WDFY4: variants seen among roughly 807,000 people sequenced by gnomAD.
WDFY4 encodes the protein WD repeat- and FYVE domain-containing protein 4.
Under a neutral mutation model 351.9 loss-of-function variants are expected in WDFY4, and 169 were observed. That is an observed-to-expected ratio of 0.48 (90% CI 0.42 to 0.55). The LOEUF (loss-of-function observed/expected upper bound fraction) is 0.55, where lower values mean the gene tolerates loss of function less well. Among genes scored for constraint, WDFY4 ranks in the 20% least tolerant of loss-of-function variants. The pLI, the probability that WDFY4 is intolerant of heterozygous loss-of-function variation, is 0.00. For missense variants in WDFY4, 3,803 were observed against 3,935.6 expected (o/e 0.97, Z 0.90); for synonymous variants, 1,622 against 1,574.6 (o/e 1.03, Z -0.71).
intron 40 of WDFY4, 60 bp downstream of exon 40, chr10:48,867,402 A>C: frequency 8.5e-7 from 1 of 1,180,662 alleles, no homozygotes; most frequent in Non-Finnish European, 1.1e-6. Context: ...TTGAACCTGA[A>C]AAATAATTGG....
chr10:48,977,380 C>A (rs1227899867), intron 59 of WDFY4, among the ~76,000 whole-genome samples: 1 of 152,094 alleles, frequency 6.6e-6, no homozygotes, highest in Non-Finnish European at 1.5e-5. Context: ...TACTCATCTA[C>A]CCACCCATCC....
Position 48,946,877 on chromosome 10 carries a change from T to A in WDFY4, c.7885T>A (p.Cys2629Ser). ...EKTEGDMTVQ[C>S]HYYTHYSSAI... ...TGTTGCAGGAGACATGACTGTCCAG[T>A]GCCACTACTACACCCACTACTCCTC... The change falls in exon 51 of 62, where the codon TGC (cysteine) becomes AGC (serine). Residue 2629 changes from cysteine (C) to serine (S), a missense_variant. Cys to Ser is a moderately radical substitution (Grantham distance 112). Around this residue, in one of 3 missense-constraint regions of WDFY4, gnomAD observed 3,054 missense variants for 3,148.6 expected, o/e 0.97. Coordinates refer to ENST00000325239, the MANE Select transcript of WDFY4 (RefSeq NM_001394531.1). 6.4e-7 allele frequency: 1 copy of A among 1,552,024 alleles called. No individual in the cohort carries two copies. Among genetic ancestry groups the A allele is most frequent in the Non-Finnish European group, 8.7e-7 (1 of 1,147,074 alleles).
chr10:48,982,126 G>A (rs1842835013), intron 61 of WDFY4, among the ~76,000 whole-genome samples: 1 of 152,200 alleles, frequency 6.6e-6, no homozygotes, highest in Non-Finnish European at 1.5e-5. Context: ...GTGGAGTGGG[G>A]TGGGCATGAT....
chr10:48,910,833 G>C (rs1837930301), intron 47 of WDFY4: 1 of 814,588 alleles, frequency 1.2e-6, no homozygotes, highest in Non-Finnish European at 1.5e-6. Context: ...GGCAAGAAGT[G>C]TGCTGCAGCG....
In WDFY4 at chr10:48,873,786, A is replaced by G. The variant is rs2069881271; in HGVS notation, c.6948+89A>G. The G allele has an allele frequency of 2.1e-6, 3 of 1,399,062 alleles. No homozygotes were observed. In the South Asian group the frequency reaches 4.1e-5, roughly 19 times the overall value. The allele number at this position is 1,399,062 out of a possible 1,614,324, so 86.7% of individuals were successfully genotyped here. A position where few individuals can be genotyped will look rare whatever the true frequency, so the allele number is the denominator to read the frequency against. On this transcript the variant is annotated intron_variant, in intron 41 of 61. Transcript: ENST00000325239. ...TGAGCTTCCCCATCACATGTTGTTT[A>G]TATCAGGCTAAGATAACACATGCAG...
chr10:48,914,944 A>C (rs967801052), intron 47 of WDFY4, among the ~76,000 whole-genome samples: 2 of 152,080 alleles, frequency 1.3e-5, no homozygotes, highest in African/African-American at 2.4e-5. Flanking sequence ...CATCCTTCAC[A>C]CTGGACTTCA....
At position 48,817,240 on chromosome 10, in the gene WDFY4, C is replaced by T; in HGVS notation, c.5341-5C>T. 1 of 1,551,568 alleles carries T rather than the reference C, an allele frequency of 6.4e-7. No homozygotes were observed. On this transcript the variant is annotated splice_polypyrimidine_tract_variant and splice_region_variant and intron_variant, in intron 31 of 61. Transcript: ENST00000325239. ...CTGCACTACCTCTCACCAAGTGTGC[C>T]TCAGCCCCTGGCAGGTTCTGAGGAT...
rs1446153877 is a variant in WDFY4 at position 48,727,668 on chromosome 10, C to T, written c.971+9C>T. On this transcript the variant is annotated intron_variant, in intron 7 of 61. Transcript: ENST00000325239. ...CTCAAAGTGTTACTTCGGTAAGTGG[C>T]TGTGTTTGGTACGGGGAGAGCACAG... 1 of 1,551,600 alleles carries T rather than the reference C, an allele frequency of 6.4e-7. No individual in the cohort carries two copies. The highest frequency in any genetic ancestry group is 8.7e-7 in the Non-Finnish European group (1 of 1,146,882).
At chr10:48,689,770 G>A (rs1412598930) in intron 1 of WDFY4, among the ~76,000 whole-genome samples, 1 of 152,204 alleles carries the variant, frequency 6.6e-6, no homozygotes, top group African/African-American at 2.4e-5. Context: ...TAATTCCAAG[G>A]AGAAAGAAAA....
intron 39 of WDFY4, among the ~76,000 whole-genome samples, chr10:48,858,974 T>C (rs1336032320): frequency 6.6e-6 from 1 of 152,224 alleles, no homozygotes; most frequent in African/African-American, 2.4e-5. Flanking sequence ...TTGACAATGA[T>C]ATTGTTTTTA....
At chr10:48,811,448 G>GGTGGCC in intron 29 of WDFY4, 91 bp from the exon 30 acceptor site, 4 of 1,116,560 alleles carry the variant, frequency 3.6e-6, no homozygotes, top group Non-Finnish European at 5.1e-6. Context: ...GGGATGGGTG[G>GGTGGCC]GTGGCCGGGT....
At chr10:48,766,008 A>G (rs2065657638) in intron 13 of WDFY4, among the ~76,000 whole-genome samples, 1 of 152,232 alleles carries the variant, frequency 6.6e-6, no homozygotes, top group South Asian at 2.1e-4. Flanking sequence ...CACTGAACTA[A>G]TTGTATGAGT....
At chr10:48,810,257 C>T (rs779825463) in intron 28 of WDFY4, among the ~76,000 whole-genome samples, 6 of 152,116 alleles carry the variant, frequency 3.9e-5, no homozygotes, top group East Asian at 1.9e-4. Context: ...AAGGGGCATG[C>T]GCATTTTTAC....
At chr10:48,901,932 T>A (rs1242736506) in intron 47 of WDFY4, 69 bp downstream of exon 47, 2 of 1,411,880 alleles carry the variant, frequency 1.4e-6, no homozygotes, top group East Asian at 2.5e-5. Context: ...CTCTGCCTCA[T>A]CCCACTCTAA....
At chr10:48,702,417 T>A (rs1033605692) in intron 1 of WDFY4, among the ~76,000 whole-genome samples, 8 of 152,186 alleles carry the variant, frequency 5.3e-5, no homozygotes, top group African/African-American at 1.9e-4. Context: ...TGGCAACCAC[T>A]GATCTTATTT....
At chr10:48,714,545 C>A (rs532891926) in intron 2 of WDFY4, among the ~76,000 whole-genome samples, 57 of 152,274 alleles carry the variant, frequency 3.7e-4, no homozygotes, top group African/African-American at 1.3e-3. Flanking sequence ...CCTTTCCCAT[C>A]GTATGGTCTC....
chr10:48,745,266 T>G (rs996205095), intron 12 of WDFY4, among the ~76,000 whole-genome samples: 2 of 152,228 alleles, frequency 1.3e-5, no homozygotes, highest in Non-Finnish European at 2.9e-5. Flanking sequence ...TCTCACTCTA[T>G]CAAGGTGAGA....
intron 1 of WDFY4, among the ~76,000 whole-genome samples, chr10:48,694,965 C>T (rs544523612): frequency 5.9e-5 from 9 of 152,322 alleles, no homozygotes; most frequent in Admixed American, 3.9e-4. Context: ...TTGCTGGCCC[C>T]CTGCTCCCCC....
intron 39 of WDFY4, among the ~76,000 whole-genome samples, chr10:48,847,045 C>T (rs1289044225): frequency 2.0e-5 from 3 of 152,150 alleles, no homozygotes; most frequent in African/African-American, 7.2e-5. Flanking sequence ...TTTCCTGGGA[C>T]AGCCATAGCA....
Sources: gnomAD v4.1 joint callset for allele counts (sites outside exome capture counted in the v4.1 genomes callset) on GRCh38, gnomAD v4.1.1 for gene constraint, gnomAD v4.1.1 regional missense constraint, MANE v1.5 for transcripts, NCBI Gene and HGNC (gene_info 2026-07-23, HGNC 2026-07-21) for gene names.